The following AGBL4 variants were observed in gnomAD, a reference collection of about 807,000 sequenced individuals.
The protein encoded by AGBL4 is cytosolic carboxypeptidase 6.
A neutral mutation model predicts 66.4 loss-of-function variants in AGBL4; 58 were observed. The ratio of observed to expected loss-of-function variants is 0.87; its 90% CI spans 0.71 to 1.09. AGBL4 has a LOEUF of 1.09. Among genes scored for constraint, AGBL4 ranks in the 50% least tolerant of loss-of-function variants. The pLI is 0.00. For synonymous variants in AGBL4, 234 were observed against 222.9 expected, an observed-to-expected ratio of 1.05 and a Z score of -0.44; for missense variants, 579 against 631.0, an observed-to-expected ratio of 0.92 and a Z score of 0.88.
intron 4 of AGBL4, among the ~76,000 whole-genome samples, chr1:49,209,794 C>T (rs576325370): frequency 5.3e-5 from 8 of 152,116 alleles, no homozygotes; most frequent in African/African-American, 1.9e-4. Flanking sequence ...TAATCTGATT[C>T]ATGTTTTGAA....
intron 3 of AGBL4, among the ~76,000 whole-genome samples, chr1:49,392,046 A>G (rs1442751415): frequency 6.6e-6 from 1 of 152,214 alleles, no homozygotes; most frequent in Non-Finnish European, 1.5e-5. Context: ...AACATCTGGT[A>G]CTAGTAAAGT....
chr1:49,805,414 T>A lies in AGBL4; in HGVS notation c.157+45982A>T, dbSNP rs1474215944. Among the ~76,000 whole-genome samples the A allele has an allele frequency of 2.6e-5, 4 of 152,284 alleles. No homozygotes were observed. In the South Asian group the frequency reaches 8.3e-4, roughly 32 times the overall value. ...CAGCCAGACAACTCTATAAATATTT[T>A]TCTTCTGTAAAGGGGAGCAGAGAAA... On this transcript the variant is annotated intron_variant, in intron 2 of 13. Transcript: ENST00000371839.
intron 3 of AGBL4, among the ~76,000 whole-genome samples, chr1:49,276,210 A>G (rs1203995613): frequency 6.6e-6 from 1 of 152,096 alleles, no homozygotes; most frequent in Non-Finnish European, 1.5e-5. Context: ...AAACTAATCT[A>G]TTATCATGAC....
intron 5 of AGBL4, among the ~76,000 whole-genome samples, chr1:48,905,764 C>G (rs879649660): frequency 3.9e-5 from 6 of 152,116 alleles, no homozygotes; most frequent in Non-Finnish European, 8.8e-5. Flanking sequence ...TGGTTGAGAT[C>G]CACCATTCTA....
intron 3 of AGBL4, among the ~76,000 whole-genome samples, chr1:49,514,182 T>C (rs1353213284): frequency 6.6e-6 from 1 of 151,892 alleles, no homozygotes; most frequent in African/African-American, 2.4e-5. Flanking sequence ...CAATTTGACT[T>C]CCTCTTTTCC....
chr1:48,779,260 C>T (rs1645229117), intron 6 of AGBL4, among the ~76,000 whole-genome samples: 1 of 152,194 alleles, frequency 6.6e-6, no homozygotes, highest in South Asian at 2.1e-4. Context: ...CAAAACATTA[C>T]CAATCTCATC....
At chr1:49,877,693 T>G (rs1301627752) in intron 1 of AGBL4, among the ~76,000 whole-genome samples, 2 of 151,972 alleles carry the variant, frequency 1.3e-5, no homozygotes, top group Non-Finnish European at 2.9e-5. Context: ...TAGGGAGGAT[T>G]CCCTCTTTTT....
At chr1:49,957,427 T>C (rs1348574910) in intron 1 of AGBL4, among the ~76,000 whole-genome samples, 1 of 151,896 alleles carries the variant, frequency 6.6e-6, no homozygotes, top group Non-Finnish European at 1.5e-5. Context: ...TAACTTTCTG[T>C]CTCGTTGATC....
chr1:49,246,989 A>G (rs1340368219), intron 3 of AGBL4, among the ~76,000 whole-genome samples: 1 of 152,096 alleles, frequency 6.6e-6, no homozygotes, highest in Non-Finnish European at 1.5e-5. Flanking sequence ...CTATAACCAT[A>G]AAAATAAATA....
At chr1:49,653,929 A>C in intron 3 of AGBL4, among the ~76,000 whole-genome samples, 1 of 152,244 alleles carries the variant, frequency 6.6e-6, no homozygotes, top group Admixed American at 6.5e-5. Context: ...AACTTCCCCA[A>C]CCTAGCAAGA....
At chr1:49,732,405 C>G (rs377399518) in intron 2 of AGBL4, among the ~76,000 whole-genome samples, 1 of 152,024 alleles carries the variant, frequency 6.6e-6, no homozygotes, top group Admixed American at 6.6e-5. Context: ...AAAAGACAAG[C>G]AAAGAAACAA....
At chr1:49,220,254 CT>C (rs1392279913) in intron 4 of AGBL4, among the ~76,000 whole-genome samples, 1 of 152,122 alleles carries the variant, frequency 6.6e-6, no homozygotes, top group Non-Finnish European at 1.5e-5. Flanking sequence ...TTGCAGGTCA[CT>C]GCTTTTCCTG....
chr1:49,845,000 C>T (rs1313230328), intron 2 of AGBL4: 19 of 1,424,708 alleles, frequency 1.3e-5, no homozygotes, highest in South Asian at 8.7e-5. Flanking sequence ...GGCCCCCACA[C>T]GTGGGGAACA....
intron 6 of AGBL4, among the ~76,000 whole-genome samples, chr1:48,723,538 C>T (rs565376757): frequency 9.9e-5 from 15 of 152,128 alleles, no homozygotes; most frequent in South Asian, 4.2e-4. Context: ...GACATACAGG[C>T]GAAAATTATA....
chr1:49,437,774 A>C (rs1448371638), intron 3 of AGBL4, among the ~76,000 whole-genome samples: 1 of 147,830 alleles, frequency 6.8e-6, no homozygotes, highest in Admixed American at 6.6e-5. Flanking sequence ...ATTAGAAAAA[A>C]ATGGACCACT....
intron 3 of AGBL4, among the ~76,000 whole-genome samples, chr1:49,263,519 A>T (rs1308886542): frequency 6.6e-6 from 1 of 152,148 alleles, no homozygotes; most frequent in Non-Finnish European, 1.5e-5. Context: ...AAGGTTTGTA[A>T]ATTAAATATA....
At chr1:48,653,268 T>C (rs1410713478) in intron 8 of AGBL4, 69 bp downstream of exon 8, 21 of 1,231,418 alleles carry the variant, frequency 1.7e-5, no homozygotes, top group Non-Finnish European at 2.4e-5. Flanking sequence ...ATATATCCCG[T>C]ATTTTTTCTT....
At chr1:48,749,659 G>T (rs1651345519) in intron 6 of AGBL4, among the ~76,000 whole-genome samples, 1 of 152,152 alleles carries the variant, frequency 6.6e-6, no homozygotes, top group Non-Finnish European at 1.5e-5. Context: ...TCTGTGAAAA[G>T]CCCCACAATC....
At chr1:48,586,591 C>T (rs2627754) in intron 11 of AGBL4, 1 of 190,010 alleles carries the variant, frequency 5.3e-6, no homozygotes, top group African/African-American at 2.4e-5. Flanking sequence ...GAAAAGAGAA[C>T]ATATGTTTTT....
Sources: gnomAD v4.1 joint callset for allele counts (sites outside exome capture counted in the v4.1 genomes callset) on GRCh38, gnomAD v4.1.1 for gene constraint, MANE v1.5 for transcripts, NCBI Gene and HGNC (gene_info 2026-07-23, HGNC 2026-07-21) for gene names.